Variants in SANBR observed in about 807,000 individuals in gnomAD.
The protein encoded by SANBR is SANT and BTB domain regulator of class switch recombination.
In SANBR, 77 loss-of-function variants were observed where a neutral mutation model predicts 101.8. The ratio of observed to expected loss-of-function variants is 0.76; its 90% CI spans 0.63 to 0.91. SANBR has a LOEUF of 0.91. Among genes scored for constraint, SANBR ranks in the 40% least tolerant of loss-of-function variants. The pLI, the probability that SANBR is intolerant of heterozygous loss-of-function variation, is 0.00. For synonymous variants in SANBR, 279 were observed against 274.7 expected (o/e 1.02, Z -0.15); for missense variants, 875 against 853.0 (o/e 1.03, Z -0.32).
At chr2:61,134,676 C>A (rs1191507124) in intron 21 of SANBR, among the ~76,000 whole-genome samples, 6 of 152,144 alleles carry the variant, frequency 3.9e-5, no homozygotes, top group Admixed American at 3.3e-4. Context: ...GGGCGGATCA[C>A]AACGTCAGGA....
intron 6 of SANBR, among the ~76,000 whole-genome samples, chr2:61,077,878 T>C (rs932904920): frequency 2.6e-5 from 4 of 152,204 alleles, no homozygotes; most frequent in African/African-American, 9.6e-5. Flanking sequence ...ACTTAGGTGT[T>C]TGGCAGACAT....
chr2:61,090,919 T>C (rs955290897), intron 10 of SANBR, among the ~76,000 whole-genome samples: 2 of 150,986 alleles, frequency 1.3e-5, no homozygotes, highest in Non-Finnish European at 3.0e-5. Flanking sequence ...CTTTTTTTTT[T>C]TTTTTTTGAG....
At chr2:61,100,239 G>T (rs765232239) in intron 12 of SANBR, among the ~76,000 whole-genome samples, 17 of 152,108 alleles carry the variant, frequency 1.1e-4, no homozygotes, top group Non-Finnish European at 1.9e-4. Context: ...CAAGTAGCTG[G>T]GATTACAGGC....
At chr2:61,137,475 A>T (rs1461205634) in exon 22 of SANBR, 1 of 152,312 alleles carries the variant, frequency 6.6e-6, no homozygotes, top group Non-Finnish European at 1.5e-5. Context: ...TGAGGCAGAG[A>T]CACAAAGATA....
rs1425347024 is a variant in SANBR, at chr2:61,122,125, G to A, written c.2121-1G>A. 3 of 1,550,054 alleles carry A rather than the reference G, an allele frequency of 1.9e-6. No individual in the cohort carries two copies. The highest frequency in any genetic ancestry group is 1.7e-6 in the Non-Finnish European group (2 of 1,145,990). The stretch of plus-strand genomic sequence containing the variant: ...CCTCCTTTTCTGTTTAAAAAATCTA[G>A]GTCTAAAAGTCGTTTTGGTCAAGGG... On this transcript the variant is annotated splice_acceptor_variant, in intron 21 of 21. Transcript: ENST00000402291. LOFTEE classifies it high-confidence loss of function.
At chr2:61,091,524 G>A (rs1682756712) in intron 10 of SANBR, among the ~76,000 whole-genome samples, 1 of 151,846 alleles carries the variant, frequency 6.6e-6, no homozygotes, top group South Asian at 2.1e-4. Flanking sequence ...AACCCAGCAG[G>A]GCAGAGGTTG....
At position 61,070,465 on chromosome 2, in the gene SANBR, A is replaced by G. The variant is rs1288213012; in HGVS notation, c.115A>G (p.Ile39Val). The G allele has an allele frequency of 8.7e-6, 14 of 1,603,664 alleles. No homozygotes were observed. Among genetic ancestry groups the G allele is most frequent in the Middle Eastern group, 1.7e-4 (1 of 6,042 alleles). Reference sequence around the variant, plus strand: ...CCCTCAGACTATCAACTGGGAAACTATAGCAAGGCTCGTGCCTGGATTAAC... The same window carrying G: ...CCCTCAGACTATCAACTGGGAAACTGTAGCAAGGCTCGTGCCTGGATTAAC... ...GIPQTINWET[I>V]ARLVPGLTPK... Residue 39 changes from isoleucine to valine, a missense_variant, in exon 3 of 22, where the codon ATA becomes GTA. Transcript: ENST00000402291.
chr2:61,077,124 T>G lies in SANBR; in HGVS notation c.636T>G (p.Thr212=). The change falls in exon 6 of 22, where the codon ACT becomes ACG. Residue 212 remains threonine (T), a synonymous_variant. Transcript: ENST00000402291. The part of the protein sequence containing the change: ...NWLIKYIKRN[T]KENKDCEMPT... ...TGATAAAATACATTAAAAGGAACAC[T>G]AAGGAGAATAAAGATTGTGAGATGC... The G allele has an allele frequency of 6.2e-7, 1 of 1,612,186 alleles. No individual in the cohort carries two copies. Among genetic ancestry groups the G allele is most frequent in the Non-Finnish European group, 8.5e-7 (1 of 1,178,460 alleles).
In SANBR at chr2:61,124,110, A is replaced by T. The variant is rs1684442424; in HGVS notation, c.*1948A>T. 1.0e-6 allele frequency: 1 copy of T among 962,720 alleles called. No individual in the cohort carries two copies. Among genetic ancestry groups the T allele is most frequent in the African/African-American group, 1.8e-5 (1 of 56,790 alleles). The allele number at this position is 962,720 out of a possible 1,614,324, so 59.6% of individuals were successfully genotyped here. ...ACTCCATCTCAATTTAAAACAAAAA[A>T]AGAATGTGTTTTTAATTTTGTTAAT... On this transcript the variant is annotated 3_prime_UTR_variant, in exon 22 of 22. Transcript: ENST00000402291.
intron 18 of SANBR, 29 bp from the exon 19 acceptor site, chr2:61,117,438 T>C: frequency 6.2e-7 from 1 of 1,612,962 alleles, no homozygotes; most frequent in Non-Finnish European, 8.5e-7. Context: ...GAAGCATCAA[T>C]GCTGATTTTT....
Position 61,070,450 on chromosome 2 carries a change from A to G in SANBR, c.100A>G (p.Ile34Val). ...LYPLIGIPQT[I>V]NWETIARLVP... is the part of the protein sequence containing the mutation. ...TCCATTAATTGGAATCCCTCAGACT[A>G]TCAACTGGGAAACTATAGCAAGGCT... Residue 34 changes from isoleucine (I) to valine (V), a missense_variant, in exon 3 of 22, where the codon ATC becomes GTC. By Grantham distance (29) the Ile-to-Val change is conservative (BLOSUM62 3). Coordinates refer to ENST00000402291, the MANE Select transcript of SANBR (RefSeq NM_001129993.3). 1.9e-6 allele frequency: 3 copies of G among 1,602,820 alleles called. No homozygotes were observed. Among genetic ancestry groups the G allele is most frequent in the South Asian group, 1.1e-5 (1 of 88,964 alleles).
At chr2:61,086,866 A>C (rs1345563593) in intron 8 of SANBR, among the ~76,000 whole-genome samples, 2 of 152,176 alleles carry the variant, frequency 1.3e-5, no homozygotes, top group Non-Finnish European at 2.9e-5. Context: ...GGAACAACAC[A>C]GAGAGGAATT....
At chr2:61,068,487 G>A (rs1681295650) in intron 1 of SANBR, among the ~76,000 whole-genome samples, 1 of 152,096 alleles carries the variant, frequency 6.6e-6, no homozygotes, top group African/African-American at 2.4e-5. Flanking sequence ...ACAGTGTGCG[G>A]GTGCTTTATA....
intron 6 of SANBR, among the ~76,000 whole-genome samples, chr2:61,080,130 G>T (rs1167330145): frequency 1.3e-5 from 2 of 150,320 alleles, no homozygotes; most frequent in Non-Finnish European, 3.0e-5. Flanking sequence ...CCGGAAGGCG[G>T]AGGTTGCAGT....
At chr2:61,102,207 C>A (rs138592662) in intron 12 of SANBR, among the ~76,000 whole-genome samples, 45 of 151,542 alleles carry the variant, frequency 3.0e-4, no homozygotes, top group African/African-American at 1.0e-3. Flanking sequence ...GAAACCCCAG[C>A]TCTACTAAGA....
At chr2:61,071,076 A>G (rs542785795) in intron 3 of SANBR, among the ~76,000 whole-genome samples, 20 of 152,208 alleles carry the variant, frequency 1.3e-4, no homozygotes, top group East Asian at 5.8e-4. Context: ...GTTAAAGCAC[A>G]TTAAAACTCT....
intron 8 of SANBR, among the ~76,000 whole-genome samples, chr2:61,085,619 T>G (rs1327135201): frequency 6.6e-6 from 1 of 151,988 alleles, no homozygotes; most frequent in African/African-American, 2.4e-5. Context: ...CAAGCAATTC[T>G]CCTGCCTCAG....
Position 61,124,003 on chromosome 2 carries a change from A to C in SANBR, c.*1841A>C. The C allele has an allele frequency of 8.1e-6, 3 of 369,496 alleles. No homozygotes were observed. The highest frequency in any genetic ancestry group is 1.1e-5 in the Non-Finnish European group (3 of 266,970). The allele number at this position is 369,496 out of a possible 1,614,324, so 22.9% of individuals were successfully genotyped here. On this transcript the variant is annotated 3_prime_UTR_variant, in exon 22 of 22. Transcript: ENST00000402291. ...CAGCTACTCGGGAGGCTGAGGCACA[A>C]GAATTGTTTGAACCCGGGTGGCAGA...
chr2:61,076,054 A>G (rs1340110492), intron 5 of SANBR, among the ~76,000 whole-genome samples: 1 of 151,316 alleles, frequency 6.6e-6, no homozygotes, highest in Non-Finnish European at 1.5e-5. Context: ...AGTGCAGTGG[A>G]GCCATCTGGG....
Sources: allele counts gnomAD v4.1 joint callset (sites outside exome capture counted in the v4.1 genomes callset), GRCh38; gene constraint gnomAD v4.1.1; transcripts MANE v1.5; gene names NCBI Gene and HGNC (gene_info 2026-07-23, HGNC 2026-07-21).